The following RPS6KB2 variants were observed in gnomAD, a reference collection of about 807,000 sequenced individuals.
RPS6KB2 encodes the protein ribosomal protein S6 kinase B2.
RPS6KB2 carries 51 observed loss-of-function variants against 58.2 expected under a neutral mutation model. The ratio of observed to expected loss-of-function variants is 0.88; its 90% confidence interval spans 0.70 to 1.11. The LOEUF (loss-of-function observed/expected upper bound fraction) is 1.11, where lower values mean the gene tolerates loss of function less well. RPS6KB2 is among the 50% of genes least tolerant of loss of function. RPS6KB2 has a pLI of 0.00. For synonymous variants in RPS6KB2, 293 were observed against 258.6 expected (o/e 1.13, Z -1.28); for missense variants, 671 against 655.8 (o/e 1.02, Z -0.25).
chr11:67,432,553 A>G, intron 5 of RPS6KB2, 47 bp from the exon 6 acceptor site: 1 of 1,607,130 alleles, frequency 6.2e-7, no homozygotes, highest in Non-Finnish European at 8.5e-7. Flanking sequence ...AGAAAGCACA[A>G]AGGGGCTTGG....
chr11:67,428,605 G>A lies in RPS6KB2; in HGVS notation c.60G>A (p.Glu20=), dbSNP rs886933958. ...ETEEGSEGEG[E]PELSPADACP... The stretch of plus-strand genomic sequence containing the variant: ...AGGAAGGCAGCGAGGGCGAGGGCGA[G>A]CCAGAGCTCAGCCCCGCGGTGAGTG... The change falls in exon 1 of 15, where the codon GAG becomes GAA. Residue 20 remains glutamate (E), a synonymous_variant. Coordinates refer to ENST00000312629, the MANE Select transcript of RPS6KB2 (RefSeq NM_003952.3). The A allele has an allele frequency of 6.2e-7, 1 of 1,610,912 alleles. No individual in the cohort carries two copies. Among genetic ancestry groups the A allele is most frequent in the Non-Finnish European group, 8.5e-7 (1 of 1,179,142 alleles).
rs377609182 is a variant in RPS6KB2, at chr11:67,432,615, C to G, written c.473C>G (p.Thr158Arg). The G allele has an allele frequency of 1.2e-6, 2 of 1,614,096 alleles. No individual in the cohort carries two copies. The highest frequency in any genetic ancestry group is 1.7e-6 in the Non-Finnish European group (2 of 1,180,038). ...TGTGTGGCAGGTGGCGAGCTCTTCA[C>G]GCATCTGGAGCGAGAGGGCATCTTC... ...LECLSGGELF[T>R]HLEREGIFLE... The change falls in exon 6 of 15, where the codon ACG becomes AGG. Residue 158 changes from threonine to arginine, a missense_variant. Physicochemically the swap from Thr to Arg is moderately conservative, Grantham distance 71. Coordinates refer to ENST00000312629, the MANE Select transcript of RPS6KB2 (RefSeq NM_003952.3).
Position 67,431,368 on chromosome 11 carries a change from G to A in RPS6KB2, c.310G>A (p.Ala104Thr), listed in dbSNP as rs200530529. 44 of 1,613,526 alleles carry A rather than the reference G, an allele frequency of 2.7e-5. No individual in the cohort carries two copies. The highest frequency in any genetic ancestry group is 5.3e-5 in the African/African-American group (4 of 74,868). Residue 104 changes from alanine (A) to threonine (T), a missense_variant and splice_region_variant, in exon 5 of 15, where the codon GCC (alanine) becomes ACC (threonine). Coordinates refer to ENST00000312629, the MANE Select transcript of RPS6KB2 (RefSeq NM_003952.3). The part of the protein sequence containing the change: ...KIYAMKVLRK[A>T]KIVRNAKDTA... The stretch of plus-strand genomic sequence containing the variant: ...TTCTAACCAATTCCTGTATCTCCAG[G>A]CCAAAATTGTGCGCAATGCCAAGGA...
At position 67,431,524 on chromosome 11, in the gene RPS6KB2, G is replaced by A. The variant is rs540893411; in HGVS notation, c.457+9G>A. ...CCTTGAGTGCCTCAGTGGTATGAGT[G>A]CGGGCCCAGGCAGGGGTGCTGGGGG... On this transcript the variant is annotated intron_variant, in intron 5 of 14. Transcript: ENST00000312629. 1.5e-5 allele frequency: 24 copies of A among 1,613,030 alleles called. 1 individual carries two copies. The South Asian group carries it at 2.4e-4, about 16-fold the overall frequency.
intron 5 of RPS6KB2, chr11:67,432,210 C>A: frequency 4.5e-6 from 2 of 442,056 alleles, no homozygotes; most frequent in Admixed American, 2.6e-5. Context: ...AAAGTCCCAG[C>A]AAACCGCGCT....
chr11:67,435,143 AG>A lies in RPS6KB2; in HGVS notation c.1427del (p.Gly476AlafsTer18). The A allele has an allele frequency of 1.3e-6, 2 of 1,595,098 alleles. No individual in the cohort carries two copies. The highest frequency in any genetic ancestry group is 2.3e-5 in the East Asian group (1 of 44,226). On this transcript the variant is annotated frameshift_variant, in exon 15 of 15. Transcript: ENST00000312629. LOFTEE classifies it high-confidence loss of function. ...CCCCTCAGGGACCAAGAAGTCCAAG[AG>A]GGGCCGTGGGCGTCCAGGGCGCTAG... ...RPPSGTKKSKRGRGRPGR is the reference protein window; with the variant it reads ...RPPSGTKKSKXGRGRPGR
Position 67,432,633 on chromosome 11 carries a change from G to T in RPS6KB2, c.491G>T (p.Gly164Val). 6.2e-7 allele frequency: 1 copy of T among 1,614,188 alleles called. No individual in the cohort carries two copies. Among genetic ancestry groups the T allele is most frequent in the Non-Finnish European group, 8.5e-7 (1 of 1,180,036 alleles). Residue 164 changes from glycine (G) to valine (V), a missense_variant, in exon 6 of 15, where the codon GGC (glycine) becomes GTC (valine). By Grantham distance (109) the Gly-to-Val change is moderately radical (BLOSUM62 -3). Transcript: ENST00000312629. ...CTCTTCACGCATCTGGAGCGAGAGG[G>T]CATCTTCCTGGAAGATACGGCCTGG... The part of the protein sequence containing the change: ...GELFTHLERE[G>V]IFLEDTACFY...
At chr11:67,433,658 G>C (rs1378401094) in intron 10 of RPS6KB2, among the ~76,000 whole-genome samples, 1 of 152,214 alleles carries the variant, frequency 6.6e-6, no homozygotes, top group Non-Finnish European at 1.5e-5. Flanking sequence ...CTTAGGCTGA[G>C]TCCTAACCAG....
chr11:67,434,517 G>A (rs1864189125), intron 13 of RPS6KB2, 33 bp downstream of exon 13: 4 of 1,603,494 alleles, frequency 2.5e-6, no homozygotes, highest in Non-Finnish European at 3.4e-6. Context: ...TGTGGGACCA[G>A]GGCACGGATC....
rs1026332487 is a variant in RPS6KB2, at chr11:67,432,772, A to G, written c.551A>G (p.His184Arg). 15 of 1,613,906 alleles carry G rather than the reference A, an allele frequency of 9.3e-6. No individual in the cohort carries two copies. In the African/African-American group the frequency reaches 9.3e-5, roughly 10 times the overall value. Residue 184 changes from histidine to arginine, a missense_variant, in exon 7 of 15, where the codon CAT (histidine) becomes CGT (arginine). Coordinates refer to ENST00000312629, the MANE Select transcript of RPS6KB2 (RefSeq NM_003952.3). ...YLAEITLALG[H>R]LHSQGIIYRD... is the part of the protein sequence containing the mutation. ...GCTGAGATCACGCTGGCCCTGGGCC[A>G]TCTCCACTCCCAGGGCATCATCTAC...
chr11:67,430,026 T>C (rs1863972189), intron 4 of RPS6KB2: 1 of 166,034 alleles, frequency 6.0e-6, no homozygotes, highest in Non-Finnish European at 1.3e-5. Flanking sequence ...GGCTGGTCTC[T>C]AACTCCTAAT....
chr11:67,429,092 T>A, intron 2 of RPS6KB2, 28 bp from the exon 3 acceptor site: 1 of 1,613,794 alleles, frequency 6.2e-7, no homozygotes, highest in Non-Finnish European at 8.5e-7. Context: ...ACTGGAGCCT[T>A]GTCCTCATTA....
intron 5 of RPS6KB2, 95 bp downstream of exon 5, chr11:67,431,610 C>G: frequency 7.5e-7 from 1 of 1,338,726 alleles, no homozygotes; most frequent in South Asian, 1.3e-5. Flanking sequence ...AGAGATGAGT[C>G]TGTGGGGGTT....
intron 5 of RPS6KB2, 150 bp downstream of exon 5, chr11:67,431,665 C>T (rs897476342): frequency 5.1e-5 from 33 of 643,122 alleles, no homozygotes; most frequent in African/African-American, 3.5e-4. Flanking sequence ...TCCATCCATC[C>T]GTGCATCCGT....
chr11:67,431,483 G>A lies in RPS6KB2; in HGVS notation c.425G>A (p.Gly142Asp). Residue 142 changes from glycine (G) to aspartate (D), a missense_variant, in exon 5 of 15, where the codon GGC becomes GAC. By Grantham distance (94) the Gly-to-Asp change is moderately conservative. Transcript: ENST00000312629. ...VELAYAFQTG[G>D]KLYLILECLS... Reference sequence around the variant, plus strand: ...CTGGCCTATGCCTTCCAGACTGGTGGCAAACTCTACCTCATCCTTGAGTGC... The same window carrying A: ...CTGGCCTATGCCTTCCAGACTGGTGACAAACTCTACCTCATCCTTGAGTGC... 1.9e-6 allele frequency: 3 copies of A among 1,614,104 alleles called. No homozygotes were observed. The highest frequency in any genetic ancestry group is 2.5e-6 in the Non-Finnish European group (3 of 1,180,000).
chr11:67,434,880 C>T (rs925625620), intron 14 of RPS6KB2, 109 bp from the exon 15 acceptor site: 106 of 1,166,982 alleles, frequency 9.1e-5, no homozygotes, highest in Admixed American at 6.0e-5. Context: ...TTGTGGAGCC[C>T]GCGGCCTGTG....
chr11:67,433,899 C>T (rs975379519), intron 10 of RPS6KB2, 96 bp from the exon 11 acceptor site: 2 of 1,382,114 alleles, frequency 1.4e-6, no homozygotes, highest in Non-Finnish European at 2.0e-6. Context: ...AGCATTCTCT[C>T]CCATGTCACC....
Position 67,429,557 on chromosome 11 carries a change from A to C in RPS6KB2, c.271A>C (p.Asn91His). 1 of 1,613,304 alleles carries C rather than the reference A, an allele frequency of 6.2e-7. No homozygotes were observed. Among genetic ancestry groups the C allele is most frequent in the Non-Finnish European group, 8.5e-7 (1 of 1,179,788 alleles). Residue 91 changes from asparagine (N) to histidine (H), a missense_variant, in exon 4 of 15, where the codon AAC becomes CAC. By Grantham distance (68) the Asn-to-His change is moderately conservative (BLOSUM62 1). Transcript: ENST00000312629. ...CCAGGTGCGAAAGGTGCAAGGCACC[A>C]ACTTGGGCAAAATATATGCCATGAA... ...VFQVRKVQGT[N>H]LGKIYAMKVL...
Position 67,434,610 on chromosome 11 carries a change from T to C in RPS6KB2, c.1184T>C (p.Leu395Pro), listed in dbSNP as rs1242030518. The change falls in exon 14 of 15, where the codon CTG becomes CCG. Residue 395 changes from leucine to proline, a missense_variant. Transcript: ENST00000312629. ...TTCACATACGTGGCGCCGTCTGTCC[T>C]GGACAGCATCAAGGAGGGCTTCTCC... ...LGFTYVAPSV[L>P]DSIKEGFSFQ... 1 of 1,608,758 alleles carries C rather than the reference T, an allele frequency of 6.2e-7. No individual in the cohort carries two copies. Among genetic ancestry groups the C allele is most frequent in the Non-Finnish European group, 8.5e-7 (1 of 1,178,872 alleles).
Sources: allele counts gnomAD v4.1 joint callset (sites outside exome capture counted in the v4.1 genomes callset), GRCh38; gene constraint gnomAD v4.1.1; transcripts MANE v1.5; gene names NCBI Gene and HGNC (gene_info 2026-07-23, HGNC 2026-07-21).